Variants in ZFP64 observed in about 807,000 individuals in gnomAD.
The protein encoded by ZFP64 is zinc finger protein 64.
In ZFP64, 14 loss-of-function variants were observed where a neutral mutation model predicts 51.6. The observed-to-expected ratio is 0.27, with a 90% CI of 0.18 to 0.42. The LOEUF (loss-of-function observed/expected upper bound fraction) is 0.42, where lower values mean the gene tolerates loss of function less well. Ranked by LOEUF, ZFP64 falls within the 10% of genes least tolerant of loss-of-function variation. The pLI is 1.00. For synonymous variants in ZFP64, 375 were observed against 361.4 expected, an observed-to-expected ratio of 1.04 and a Z score of -0.43; for missense variants, 754 against 906.8, an observed-to-expected ratio of 0.83 and a Z score of 2.16.
rs143810403 is a variant in ZFP64, at chr20:52,167,194, G to A, written c.287-1169C>T. ...ACAAAAATTAGCTGGGCATGGTGGC[G>A]GGCACCTGAAATCTCAGCTACTCTG... On this transcript the variant is annotated intron_variant, in intron 2 of 5. Transcript: ENST00000216923. Among the ~76,000 whole-genome samples, 1,591 of 151,812 alleles carry A rather than the reference G, an allele frequency of 0.01. 87 individuals are homozygous for A. The East Asian group carries it at 0.16, about 15-fold the overall frequency.
intron 5 of ZFP64, among the ~76,000 whole-genome samples, chr20:52,122,825 C>A (rs1189847638): frequency 6.6e-6 from 1 of 152,124 alleles, no homozygotes; most frequent in Non-Finnish European, 1.5e-5. Context: ...ATGATAAAAC[C>A]TCAACAGATG....
At chr20:52,112,082 C>CAA (rs375422075) in intron 5 of ZFP64, among the ~76,000 whole-genome samples, 3,373 of 78,200 alleles carry the variant, frequency 0.043, 194 homozygotes, top group African/African-American at 0.16. Flanking sequence ...ACTCTATCTC[C>CAA]AAAAAAAAAA....
chr20:52,120,239 T>C (rs1031000283), intron 5 of ZFP64, among the ~76,000 whole-genome samples: 1 of 152,174 alleles, frequency 6.6e-6, no homozygotes, highest in Non-Finnish European at 1.5e-5. Context: ...AAATTTTTGT[T>C]GTGTGTAAGC....
intron 5 of ZFP64, among the ~76,000 whole-genome samples, chr20:52,126,958 A>T (rs1313297814): frequency 1.6e-4 from 23 of 139,852 alleles, no homozygotes; most frequent in Non-Finnish European, 2.5e-4. Flanking sequence ...CTTTGTCAGA[A>T]TTTTTTTTTT....
chr20:52,086,143 T>C (rs901781581), intron 8 of ZFP64, among the ~76,000 whole-genome samples: 1 of 152,210 alleles, frequency 6.6e-6, no homozygotes, highest in African/African-American at 2.4e-5. Context: ...AAAAAAATAT[T>C]TCCATTCTGT....
chr20:52,106,237 T>A (rs548111028), intron 5 of ZFP64, among the ~76,000 whole-genome samples: 1 of 152,148 alleles, frequency 6.6e-6, no homozygotes, highest in Non-Finnish European at 1.5e-5. Flanking sequence ...GGGACCTCGA[T>A]GAGACCCGAG....
intron 5 of ZFP64, among the ~76,000 whole-genome samples, chr20:52,109,780 C>CAAAAAAAAAAAA (rs779914417): frequency 6.5e-5 from 3 of 46,124 alleles, no homozygotes; most frequent in African/African-American, 1.5e-4. Flanking sequence ...AATTCCACCT[C>CAAAAAAAAAAAA]AAAAAAAAAA....
At chr20:52,113,548 C>A (rs886392431) in intron 5 of ZFP64, among the ~76,000 whole-genome samples, 1 of 149,740 alleles carries the variant, frequency 6.7e-6, no homozygotes. Context: ...CTGCCCCAGC[C>A]TCCCAAGTAG....
chr20:52,112,625 T>TTTTTCC (rs1555881122), intron 5 of ZFP64, among the ~76,000 whole-genome samples: 1 of 150,160 alleles, frequency 6.7e-6, no homozygotes, highest in East Asian at 1.9e-4. Context: ...TTTTTTTTTT[T>TTTTTCC]CTTTGTTGGG....
chr20:52,187,283 G>A (rs1984041434), intron 1 of ZFP64, among the ~76,000 whole-genome samples: 1 of 152,116 alleles, frequency 6.6e-6, no homozygotes, highest in African/African-American at 2.4e-5. Flanking sequence ...TCTTGCCTTA[G>A]TTAAACTTGG....
At chr20:52,182,239 A>G (rs1983664902) in intron 2 of ZFP64, among the ~76,000 whole-genome samples, 1 of 152,230 alleles carries the variant, frequency 6.6e-6, no homozygotes, top group African/African-American at 2.4e-5. Context: ...ATGCGAGTCC[A>G]GCAGTCTATC....
chr20:52,167,051 G>A (rs562777575), intron 2 of ZFP64, among the ~76,000 whole-genome samples: 35 of 152,186 alleles, frequency 2.3e-4, no homozygotes, highest in East Asian at 1.9e-3. Context: ...TAGGCTGGGC[G>A]CTGTGGCTCA....
At chr20:52,170,375 C>T (rs1352504472) in intron 2 of ZFP64, among the ~76,000 whole-genome samples, 2 of 152,068 alleles carry the variant, frequency 1.3e-5, no homozygotes, top group East Asian at 1.9e-4. Context: ...TCGCTTGGAC[C>T]CAGGAGACAG....
Position 52,185,721 on chromosome 20 carries a change from C to T in ZFP64, c.286+1111G>A, listed in dbSNP as rs149669655. On this transcript the variant is annotated intron_variant, in intron 2 of 5. Transcript: ENST00000216923. ...TTGGTCCCCCGAGTAGCTGGGATTA[C>T]AGGCGCCTGCCACCACGCCCGGCTA... Among the ~76,000 whole-genome samples the T allele has an allele frequency of 3.4e-3, 516 of 152,148 alleles. 3 individuals are homozygous for T. Among genetic ancestry groups the T allele is most frequent in the African/African-American group, 0.012 (499 of 41,520 alleles).
At chr20:52,110,720 C>A in intron 5 of ZFP64, 1 of 1,590,134 alleles carries the variant, frequency 6.3e-7, no homozygotes, top group South Asian at 1.1e-5. Context: ...ATGGCTCCAA[C>A]CTTAACTGCC....
At chr20:52,148,680 G>T (rs1466036424), downstream of ZFP64, among the ~76,000 whole-genome samples, 1 of 149,324 alleles carries the variant, frequency 6.7e-6, no homozygotes, top group East Asian at 2.0e-4. Flanking sequence ...CAGGCTGGGC[G>T]ACAGCCAGAC....
At chr20:52,135,641 C>T (rs370138035) in intron 5 of ZFP64, among the ~76,000 whole-genome samples, 7 of 152,166 alleles carry the variant, frequency 4.6e-5, no homozygotes, top group Admixed American at 1.3e-4. Context: ...CATGTGTCAT[C>T]AAGCCCAGCT....
At chr20:52,169,281 G>C (rs919051279) in intron 2 of ZFP64, among the ~76,000 whole-genome samples, 1 of 152,194 alleles carries the variant, frequency 6.6e-6, no homozygotes, top group Non-Finnish European at 1.5e-5. Context: ...ACTCTCAACT[G>C]AAATGCTCAT....
chr20:52,130,943 G>A (rs921170682), intron 5 of ZFP64, among the ~76,000 whole-genome samples: 17 of 151,970 alleles, frequency 1.1e-4, no homozygotes, highest in Non-Finnish European at 2.2e-4. Flanking sequence ...GCGGGCGCCT[G>A]TAGTCCCAGC....
Sources: allele counts gnomAD v4.1 joint callset (sites outside exome capture counted in the v4.1 genomes callset), GRCh38; gene constraint gnomAD v4.1.1; transcripts MANE v1.5; gene names NCBI Gene and HGNC (gene_info 2026-07-23, HGNC 2026-07-21).